Variants in LTBP1 observed in about 807,000 individuals in gnomAD.
The protein encoded by LTBP1 is latent transforming growth factor beta binding protein 1.
Under a neutral mutation model 207.6 loss-of-function variants are expected in LTBP1, and 129 were observed. The ratio of observed to expected loss-of-function variants is 0.62; its 90% CI spans 0.54 to 0.72. The LOEUF is 0.72. Among genes scored for constraint, LTBP1 ranks in the 30% least tolerant of loss-of-function variants. LTBP1 has a pLI of 0.00. For synonymous variants in LTBP1, 963 were observed against 833.7 expected, an observed-to-expected ratio of 1.16 and a Z score of -2.67; for missense variants, 2,281 against 2,217.2, an observed-to-expected ratio of 1.03 and a Z score of -0.58.
intron 7 of LTBP1, among the ~76,000 whole-genome samples, chr2:33,191,250 A>C (rs1410709187): frequency 2.0e-5 from 3 of 152,246 alleles, no homozygotes; most frequent in African/African-American, 7.2e-5. Context: ...ATGAAAAGAT[A>C]CTATTGACTT....
chr2:33,148,135 A>G (rs890286177), intron 5 of LTBP1, among the ~76,000 whole-genome samples: 6 of 152,144 alleles, frequency 3.9e-5, no homozygotes, highest in African/African-American at 1.2e-4. Context: ...AATAGGACAG[A>G]TATTTCGTTG....
intron 2 of LTBP1, among the ~76,000 whole-genome samples, chr2:32,954,813 C>T (rs1572801687): frequency 6.6e-6 from 1 of 152,254 alleles, no homozygotes; most frequent in African/African-American, 2.4e-5. Flanking sequence ...GGGGCTTTGA[C>T]TGGGCCCCTG....
intron 23 of LTBP1, among the ~76,000 whole-genome samples, chr2:33,312,602 T>G (rs1031841562): frequency 6.6e-6 from 1 of 152,122 alleles, no homozygotes; most frequent in Non-Finnish European, 1.5e-5. Flanking sequence ...TAGAAATGCC[T>G]CAATAAGTAC....
chr2:32,947,502 G>T lies in LTBP1; in HGVS notation c.178G>T (p.Ala60Ser). 1.4e-6 allele frequency: 2 copies of T among 1,428,668 alleles called. No individual in the cohort carries two copies. The highest frequency in any genetic ancestry group is 1.5e-5 in the African/African-American group (1 of 67,068). The allele number at this position is 1,428,668 out of a possible 1,614,324, so 88.5% of individuals were successfully genotyped here. ...RSRTFNVALN[A>S]RYSRSSAAAG... is the part of the protein sequence containing the mutation. ...GCGGACATTCAACGTCGCGCTCAACGCCAGGTACAGCCGCAGCTCGGCGGC... is the reference window on the plus strand; with the variant it reads ...GCGGACATTCAACGTCGCGCTCAACTCCAGGTACAGCCGCAGCTCGGCGGC... The change falls in exon 1 of 34, where the codon GCC (alanine) becomes TCC (serine). Residue 60 changes from alanine (A) to serine (S), a missense_variant. By Grantham distance (99) the Ala-to-Ser change is moderately conservative. Around this residue, in one of 3 missense-constraint regions of LTBP1, gnomAD observed 555 missense variants for 491.0 expected, o/e 1.13. Transcript: ENST00000404816.
intron 31 of LTBP1, among the ~76,000 whole-genome samples, chr2:33,378,181 A>ATGTGTGTGTGTGTG (rs1191265116): frequency 1.1e-4 from 13 of 115,976 alleles, no homozygotes; most frequent in Non-Finnish European, 1.8e-4. Context: ...TCATATATAT[A>ATGTGTGTGTGTGTG]TATATGTGTG....
intron 32 of LTBP1, 108 bp from the exon 33 acceptor site, chr2:33,397,025 G>A (rs2095364819): frequency 2.2e-6 from 2 of 892,976 alleles, no homozygotes; most frequent in Non-Finnish European, 3.4e-6. Context: ...AAATATGTAT[G>A]GACATATATG....
At chr2:33,161,088 A>G (rs1423910437) in intron 5 of LTBP1, among the ~76,000 whole-genome samples, 1 of 152,166 alleles carries the variant, frequency 6.6e-6, no homozygotes, top group African/African-American at 2.4e-5. Flanking sequence ...GAAGAATACT[A>G]CATGTCTCAG....
At chr2:33,274,740 G>A (rs2093391846) in intron 16 of LTBP1, among the ~76,000 whole-genome samples, 1 of 152,146 alleles carries the variant, frequency 6.6e-6, no homozygotes, top group African/African-American at 2.4e-5. Flanking sequence ...CAGTGTCATG[G>A]TTTTGTAGTT....
intron 19 of LTBP1, chr2:33,291,731 A>G (rs778881456): frequency 6.6e-6 from 1 of 152,234 alleles, no homozygotes; most frequent in African/African-American, 2.4e-5. Context: ...ACCCGTGTGC[A>G]CACTCACAGA....
At chr2:32,958,371 G>T (rs187048627) in intron 2 of LTBP1, among the ~76,000 whole-genome samples, 1 of 152,250 alleles carries the variant, frequency 6.6e-6, no homozygotes, top group Non-Finnish European at 1.5e-5. Flanking sequence ...CTTCCTCCTG[G>T]GTACCACTGC....
chr2:33,089,563 A>G (rs1288303002), intron 3 of LTBP1, among the ~76,000 whole-genome samples: 1 of 152,230 alleles, frequency 6.6e-6, no homozygotes, highest in African/African-American at 2.4e-5. Flanking sequence ...ACTAAGTGCC[A>G]ATAGTGTTGA....
intron 24 of LTBP1, among the ~76,000 whole-genome samples, chr2:33,318,702 C>G (rs1023078457): frequency 2.0e-5 from 3 of 152,158 alleles, no homozygotes; most frequent in Non-Finnish European, 2.9e-5. Flanking sequence ...CTCCTGCCAC[C>G]TTCCTTTCAC....
At chr2:33,280,009 T>C in intron 18 of LTBP1, 30 bp from the exon 19 acceptor site, 2 of 1,610,772 alleles carry the variant, frequency 1.2e-6, no homozygotes, top group Non-Finnish European at 1.7e-6. Flanking sequence ...TCTGATAAAA[T>C]GTTCACGACC....
intron 3 of LTBP1, among the ~76,000 whole-genome samples, chr2:33,061,670 A>G (rs1271865757): frequency 6.6e-6 from 1 of 152,128 alleles, no homozygotes; most frequent in East Asian, 1.9e-4. Context: ...GTAGTATTCC[A>G]TTGTATAAAT....
intron 5 of LTBP1, among the ~76,000 whole-genome samples, chr2:33,186,138 G>A (rs1463594860): frequency 6.6e-6 from 1 of 152,138 alleles, no homozygotes; most frequent in African/African-American, 2.4e-5. Flanking sequence ...TATAAAGTAT[G>A]ATTCAAACTA....
At chr2:33,296,762 A>G (rs1329732675) in intron 20 of LTBP1, among the ~76,000 whole-genome samples, 1 of 152,138 alleles carries the variant, frequency 6.6e-6, no homozygotes, top group Non-Finnish European at 1.5e-5. Flanking sequence ...AGCATATCGG[A>G]TGCTAGTCCT....
chr2:33,320,365 C>G, intron 24 of LTBP1, among the ~76,000 whole-genome samples: 1 of 94,286 alleles, frequency 1.1e-5, no homozygotes, highest in East Asian at 2.8e-4. Flanking sequence ...AAGACTGCCT[C>G]AAAAAGAAAA....
intron 5 of LTBP1, among the ~76,000 whole-genome samples, chr2:33,147,184 G>C (rs754862769): frequency 2.0e-5 from 3 of 152,044 alleles, no homozygotes; most frequent in African/African-American, 4.8e-5. Context: ...TGCACCCCAG[G>C]GTCTCTAAAT....
intron 25 of LTBP1, 104 bp downstream of exon 25, chr2:33,343,067 A>T (rs1308882750): frequency 6.9e-6 from 9 of 1,310,808 alleles, no homozygotes; most frequent in Non-Finnish European, 9.3e-6. Flanking sequence ...GTAGAGCTTT[A>T]TCGTAATTTG....
Sources: allele counts gnomAD v4.1 joint callset (sites outside exome capture counted in the v4.1 genomes callset), GRCh38; gene constraint gnomAD v4.1.1; regional missense constraint gnomAD v4.1.1; transcripts MANE v1.5; gene names NCBI Gene and HGNC (gene_info 2026-07-23, HGNC 2026-07-21).